The following RNF11 variants were observed in gnomAD, a reference collection of about 807,000 sequenced individuals.
RNF11 encodes the protein ring finger protein 11.
In RNF11, 4 loss-of-function variants were observed where a neutral mutation model predicts 15.8. The ratio of observed to expected loss-of-function variants is 0.25; its 90% CI spans 0.12 to 0.58. The LOEUF (loss-of-function observed/expected upper bound fraction) is 0.58, where lower values mean the gene tolerates loss of function less well. RNF11 is among the 20% of genes least tolerant of loss of function. The pLI is 0.91. For missense variants in RNF11, 139 were observed against 194.4 expected, an observed-to-expected ratio of 0.71 and a Z score of 1.70; for synonymous variants, 68 against 72.3, an observed-to-expected ratio of 0.94 and a Z score of 0.30.
intron 1 of RNF11, among the ~76,000 whole-genome samples, chr1:51,252,617 A>G (rs1442602950): frequency 2.6e-5 from 4 of 152,078 alleles, no homozygotes; most frequent in African/African-American, 9.7e-5. Context: ...CCCTGTCTCA[A>G]AAAAAAGAAA....
intron 1 of RNF11, among the ~76,000 whole-genome samples, chr1:51,259,273 G>A (rs569822740): frequency 3.0e-4 from 45 of 152,312 alleles, no homozygotes; most frequent in African/African-American, 1.1e-3. Flanking sequence ...TAAAATGTCA[G>A]TATTGCCCAG....
At chr1:51,265,049 CTCACACCTGTA>C (rs1195995149) in intron 1 of RNF11, 2 of 152,258 alleles carry the variant, frequency 1.3e-5, no homozygotes, top group Non-Finnish European at 2.9e-5. Flanking sequence ...GGTGCAGTGG[CTCACACCTGTA>C]TCACACCTGT....
intron 1 of RNF11, among the ~76,000 whole-genome samples, chr1:51,238,143 T>TTGGAGC (rs2148063341): frequency 6.6e-6 from 1 of 152,314 alleles, no homozygotes; most frequent in South Asian, 2.1e-4. Context: ...CCAGTTCCTC[T>TTGGAGC]CTGCTTGGAG....
intron 1 of RNF11, among the ~76,000 whole-genome samples, chr1:51,259,836 G>C (rs1646922289): frequency 6.6e-6 from 1 of 152,212 alleles, no homozygotes; most frequent in African/African-American, 2.4e-5. Flanking sequence ...ATAAGTTCAT[G>C]ATCAAATAGC....
intron 1 of RNF11, among the ~76,000 whole-genome samples, chr1:51,241,023 A>G (rs1201496869): frequency 1.3e-5 from 2 of 151,908 alleles, no homozygotes; most frequent in Non-Finnish European, 2.9e-5. Context: ...TGCCATGTTG[A>G]CCAGGCTGGT....
rs1317461962 is a variant in RNF11, at chr1:51,272,387, C to T, written c.*1065C>T. The T allele has an allele frequency of 6.6e-6, 1 of 152,626 alleles. No homozygotes were observed. The highest frequency in any genetic ancestry group is 2.4e-5 in the African/African-American group (1 of 41,456). The allele number at this position is 152,626 out of a possible 1,614,324, so 9.5% of individuals were successfully genotyped here. On this transcript the variant is annotated 3_prime_UTR_variant, in exon 3 of 3. Transcript: ENST00000242719. ...AGTTATACAAAACACATCTCAGTCTCTGTTTCTTGGAAAGGTATCTATTAC... is the reference window on the plus strand; with the variant it reads ...AGTTATACAAAACACATCTCAGTCTTTGTTTCTTGGAAAGGTATCTATTAC...
Position 51,268,005 on chromosome 1 carries a change from A to C in RNF11, c.124-1951A>C, listed in dbSNP as rs117361220. ...CTCGGCCTTTCAAAGTTCTGGGATT[A>C]CACGCATGAGCTACCATGCCCAGCC... is the stretch of plus-strand genomic sequence containing the variant. On this transcript the variant is annotated intron_variant, in intron 1 of 2. Transcript: ENST00000242719. Among the ~76,000 whole-genome samples, 57 of 152,334 alleles carry C rather than the reference A, an allele frequency of 3.7e-4. 2 individuals are homozygous for C. The East Asian group carries it at 0.01, about 28-fold the overall frequency.
intron 1 of RNF11, among the ~76,000 whole-genome samples, chr1:51,253,729 T>C (rs933869307): frequency 1.3e-5 from 2 of 152,216 alleles, no homozygotes; most frequent in Non-Finnish European, 2.9e-5. Flanking sequence ...TATAATTTGC[T>C]CAACACTTCA....
intron 1 of RNF11, among the ~76,000 whole-genome samples, chr1:51,267,403 A>G (rs1275163994): frequency 6.6e-6 from 1 of 152,212 alleles, no homozygotes; most frequent in Non-Finnish European, 1.5e-5. Context: ...CTTAGTATAT[A>G]ATCTTACTCA....
chr1:51,241,346 G>A (rs977091190), intron 1 of RNF11, among the ~76,000 whole-genome samples: 14 of 152,192 alleles, frequency 9.2e-5, no homozygotes, highest in African/African-American at 3.4e-4. Context: ...TGCAATTATA[G>A]TGCATTGCAG....
chr1:51,268,423 G>A (rs1196605893), intron 1 of RNF11, among the ~76,000 whole-genome samples: 5 of 152,114 alleles, frequency 3.3e-5, no homozygotes, highest in African/African-American at 4.8e-5. Context: ...CACTCATAAC[G>A]TGAATTAAAA....
At chr1:51,263,459 G>T (rs543578954) in intron 1 of RNF11, among the ~76,000 whole-genome samples, 1 of 152,204 alleles carries the variant, frequency 6.6e-6, no homozygotes, top group South Asian at 2.1e-4. Context: ...GGTTGTGTGT[G>T]TGTGTGTGTT....
intron 2 of RNF11, among the ~76,000 whole-genome samples, chr1:51,270,765 C>T (rs903908012): frequency 4.6e-5 from 7 of 152,166 alleles, no homozygotes; most frequent in Non-Finnish European, 1.5e-5. Flanking sequence ...TTGTCTTAGT[C>T]CAGGATTACA....
rs983843084 is a variant in RNF11, at chr1:51,252,277, G to A, written c.123+15398G>A. Among the ~76,000 whole-genome samples the A allele has an allele frequency of 3.3e-5, 5 of 152,122 alleles. No individual in the cohort carries two copies. The South Asian group carries it at 1.0e-3, about 32-fold the overall frequency. ...ATCCATAAGGTTTCTTTGGTCAACA[G>A]TAGCTTATTAGTAGTTAAGTTTTTG... On this transcript the variant is annotated intron_variant, in intron 1 of 2. Coordinates refer to ENST00000242719, the MANE Select transcript of RNF11 (RefSeq NM_014372.5).
chr1:51,257,032 A>G (rs1646906915), intron 1 of RNF11, among the ~76,000 whole-genome samples: 1 of 152,194 alleles, frequency 6.6e-6, no homozygotes, highest in South Asian at 2.1e-4. Flanking sequence ...GTTACCACAC[A>G]TCCTTGCCAG....
chr1:51,258,260 A>G (rs1349340379), intron 1 of RNF11, among the ~76,000 whole-genome samples: 2 of 152,226 alleles, frequency 1.3e-5, no homozygotes, highest in African/African-American at 4.8e-5. Flanking sequence ...ACCATGGTTG[A>G]CCACAGTTAA....
At chr1:51,269,897 A>T in intron 1 of RNF11, 59 bp from the exon 2 acceptor site, 1 of 1,473,524 alleles carries the variant, frequency 6.8e-7, no homozygotes, top group Non-Finnish European at 9.3e-7. Context: ...TGACCAAAAA[A>T]TAAGCCCTCG....
rs1646963391 is a variant in RNF11, at chr1:51,268,180, C to T, written c.124-1776C>T. Among the ~76,000 whole-genome samples, 6 of 152,266 alleles carry T rather than the reference C, an allele frequency of 3.9e-5. No homozygotes were observed. In the South Asian group the frequency reaches 1.2e-3, roughly 32 times the overall value. On this transcript the variant is annotated intron_variant, in intron 1 of 2. Transcript: ENST00000242719. ...ATGAAACAATTGATAACTCAGATAT[C>T]AAGCCATTTTAAAACAAGTATCATG...
chr1:51,263,710 G>A (rs1449683396), intron 1 of RNF11, among the ~76,000 whole-genome samples: 4 of 152,144 alleles, frequency 2.6e-5, no homozygotes, highest in Admixed American at 1.3e-4. Context: ...GAGACAAAAA[G>A]CAAATTAGTT....
Sources: gnomAD v4.1 joint callset for allele counts (sites outside exome capture counted in the v4.1 genomes callset) on GRCh38, gnomAD v4.1.1 for gene constraint, MANE v1.5 for transcripts, NCBI Gene and HGNC (gene_info 2026-07-23, HGNC 2026-07-21) for gene names.